The following MYO7A variants were observed in gnomAD, a reference collection of about 807,000 sequenced individuals.
The protein encoded by MYO7A is unconventional myosin-VIIa.
Under a neutral mutation model 263.8 loss-of-function variants are expected in MYO7A, and 210 were observed. The observed-to-expected ratio is 0.80, with a 90% CI of 0.71 to 0.89. The LOEUF is 0.89. Ranked by LOEUF, MYO7A falls within the 40% of genes least tolerant of loss-of-function variation. The probability of loss-of-function intolerance (pLI) is 0.00; values close to 1 mark genes in which losing one functional copy is unlikely to be tolerated. For synonymous variants in MYO7A, 1,239 were observed against 1,197.3 expected, an observed-to-expected ratio of 1.03 and a Z score of -0.72; for missense variants, 2,820 against 2,968.3, an observed-to-expected ratio of 0.95 and a Z score of 1.16.
chr11:77,149,896 C>T (rs1951846420), intron 4 of MYO7A, among the ~76,000 whole-genome samples: 2 of 152,092 alleles, frequency 1.3e-5, no homozygotes, highest in African/African-American at 4.8e-5. Flanking sequence ...GAACTCGAGC[C>T]CAGGGCACCC....
chr11:77,184,849 G>C, intron 27 of MYO7A, 134 bp downstream of exon 27: 2 of 1,397,852 alleles, frequency 1.4e-6, no homozygotes, highest in South Asian at 2.5e-5. Flanking sequence ...GGTGGAGTTA[G>C]GACCTTGGTG....
chr11:77,212,335 T>C (rs984450034), intron 46 of MYO7A: 9 of 375,632 alleles, frequency 2.4e-5, no homozygotes, highest in East Asian at 7.2e-5. Flanking sequence ...GGGTCCCACA[T>C]AGACAAAGGC....
chr11:77,206,013 G>A, intron 40 of MYO7A, 84 bp from the exon 41 acceptor site: 1 of 1,053,806 alleles, frequency 9.5e-7, no homozygotes, highest in East Asian at 2.6e-5. Flanking sequence ...ATCAGAACTG[G>A]GGTTGTCTGC....
Position 77,147,827 on chromosome 11 carries a change from G to C in MYO7A, c.162G>C (p.Thr54=), listed in dbSNP as rs782185833. 1.1e-5 allele frequency: 17 copies of C among 1,610,292 alleles called. No homozygotes were observed. The highest frequency in any genetic ancestry group is 1.0e-4 in the Admixed American group (6 of 59,690). Residue 54 remains threonine, a synonymous_variant, in exon 4 of 49, where the codon ACG becomes ACC. Transcript: ENST00000409709. ...ACTGGATCTCTCCGCAGAACGCAACGCACATCAAGCCTATGCACCCCACGT... is the reference window on the plus strand; with the variant it reads ...ACTGGATCTCTCCGCAGAACGCAACCCACATCAAGCCTATGCACCCCACGT... ...NEHWISPQNA[T]HIKPMHPTSV... is the part of the protein sequence containing the mutation.
chr11:77,175,338 G>A lies in MYO7A; in HGVS notation c.2095-34G>A, dbSNP rs782214597. On this transcript the variant is annotated intron_variant, in intron 17 of 48. Coordinates refer to ENST00000409709, the MANE Select transcript of MYO7A (RefSeq NM_000260.4). Reference sequence around the variant, plus strand: ...CGGAGGCCTTCCCACTGGAGAGGCTGTCCATTCCCTTGTGTTCCCCATCCT... The same window carrying A: ...CGGAGGCCTTCCCACTGGAGAGGCTATCCATTCCCTTGTGTTCCCCATCCT... The A allele has an allele frequency of 5.0e-6, 8 of 1,601,850 alleles. No individual in the cohort carries two copies. The East Asian group carries it at 1.8e-4, about 36-fold the overall frequency.
intron 4 of MYO7A, among the ~76,000 whole-genome samples, chr11:77,152,980 G>A (rs1034415864): frequency 4.6e-5 from 7 of 152,172 alleles, no homozygotes; most frequent in African/African-American, 9.7e-5. Flanking sequence ...TGAGGTTGAC[G>A]AGGGTGGCAG....
Position 77,162,117 on chromosome 11 carries a change from C to T in MYO7A, c.1344-3C>T. On this transcript the variant is annotated splice_polypyrimidine_tract_variant and splice_region_variant and intron_variant, in intron 12 of 48. Transcript: ENST00000409709. Reference sequence around the variant, plus strand: ...CCCTTACCCCATCCCTGTGCCCCTGCAGCTTTGAGCAGCTCTGCATCAACT... The same window carrying T: ...CCCTTACCCCATCCCTGTGCCCCTGTAGCTTTGAGCAGCTCTGCATCAACT... 1.3e-6 allele frequency: 2 copies of T among 1,594,578 alleles called. No homozygotes were observed. The highest frequency in any genetic ancestry group is 8.5e-7 in the Non-Finnish European group (1 of 1,170,448).
At chr11:77,197,998 A>G (rs2135664270) in intron 33 of MYO7A, among the ~76,000 whole-genome samples, 1 of 152,376 alleles carries the variant, frequency 6.6e-6, no homozygotes, top group African/African-American at 2.4e-5. Context: ...CATACTATGT[A>G]TACAACAGGG....
intron 4 of MYO7A, among the ~76,000 whole-genome samples, chr11:77,155,403 C>T (rs111744365): frequency 6.4e-4 from 97 of 152,204 alleles, no homozygotes; most frequent in Non-Finnish European, 1.2e-3. Flanking sequence ...AGCCCCCAAG[C>T]CACTTACCCC....
chr11:77,150,653 T>A (rs373054143), intron 4 of MYO7A, among the ~76,000 whole-genome samples: 8 of 152,086 alleles, frequency 5.3e-5, no homozygotes, highest in African/African-American at 1.9e-4. Flanking sequence ...GGGGTCCAGG[T>A]AGGTGAATAA....
chr11:77,197,364 T>C (rs1003055283), intron 32 of MYO7A, 117 bp from the exon 33 acceptor site: 16 of 721,230 alleles, frequency 2.2e-5, no homozygotes, highest in African/African-American at 5.3e-5. Flanking sequence ...AAGGCCACGA[T>C]GCACAGGAGG....
intron 15 of MYO7A, among the ~76,000 whole-genome samples, chr11:77,169,959 C>T (rs1953926264): frequency 6.6e-6 from 1 of 152,112 alleles, no homozygotes; most frequent in Admixed American, 6.5e-5. Flanking sequence ...ACCTGTAGTC[C>T]CAGCTATTCA....
Position 77,213,952 on chromosome 11 carries a change from G to T in MYO7A, c.6531G>T (p.Gly2177=). The change falls in exon 48 of 49, where the codon GGG becomes GGT. Residue 2177 remains glycine, a synonymous_variant. Coordinates refer to ENST00000409709, the MANE Select transcript of MYO7A (RefSeq NM_000260.4). ...FHITIGNLVR[G]SKLLCETSLG... ...TCACCATTGGGAACTTGGTGCGCGGGAGCAAACTGCTCTGCGAGACGTCAC... is the reference window on the plus strand; with the variant it reads ...TCACCATTGGGAACTTGGTGCGCGGTAGCAAACTGCTCTGCGAGACGTCAC... The T allele has an allele frequency of 3.7e-6, 6 of 1,614,068 alleles. No homozygotes were observed. Among genetic ancestry groups the T allele is most frequent in the Non-Finnish European group, 5.1e-6 (6 of 1,179,908 alleles).
chr11:77,173,510 G>T (rs575561867), intron 16 of MYO7A, among the ~76,000 whole-genome samples: 9 of 152,320 alleles, frequency 5.9e-5, no homozygotes, highest in African/African-American at 2.2e-4. Context: ...GACTGTGCTG[G>T]TCCCAGGTTA....
chr11:77,128,437 G>A lies in MYO7A; in HGVS notation c.-99G>A, dbSNP rs1300697071. 1.3e-5 allele frequency: 2 copies of A among 152,400 alleles called. No homozygotes were observed. The highest frequency in any genetic ancestry group is 4.8e-5 in the African/African-American group (2 of 41,456). 9.4% of individuals were successfully genotyped at this position (152,400 alleles called of 1,614,324 possible). A position where few individuals can be genotyped will look rare whatever the true frequency, so the allele number is the denominator to read the frequency against. ...CCAGCTTCCTGAGTCCTCCGTGCAG[G>A]TGGCAGCTGTACCAGGCTGGCAGGT... On this transcript the variant is annotated 5_prime_UTR_variant, in exon 1 of 49. In the 5' UTR this introduces an upstream ATG that the reference lacks. Coordinates refer to ENST00000409709, the MANE Select transcript of MYO7A (RefSeq NM_000260.4).
intron 34 of MYO7A, 104 bp downstream of exon 34, chr11:77,198,725 G>A: frequency 6.6e-7 from 1 of 1,523,072 alleles, no homozygotes; most frequent in Non-Finnish European, 8.9e-7. Context: ...TGGCCTGCCT[G>A]GTTGCACGTG....
At chr11:77,205,417 C>G in intron 39 of MYO7A, 45 bp from the exon 40 acceptor site, 2 of 1,539,880 alleles carry the variant, frequency 1.3e-6, no homozygotes, top group South Asian at 2.4e-5. Context: ...TCCTGTGACT[C>G]CCGATGGCAG....
At position 77,161,017 on chromosome 11, in the gene MYO7A, C is replaced by G; in HGVS notation, c.1245C>G (p.Asn415Lys). The G allele has an allele frequency of 6.2e-7, 1 of 1,613,042 alleles. No homozygotes were observed. The highest frequency in any genetic ancestry group is 8.5e-7 in the Non-Finnish European group (1 of 1,179,604). ...RLFVWIVDKI[N>K]AAIYKPPSQD... Reference sequence around the variant, plus strand: ...TCGTGTGGATTGTGGACAAGATCAACGCAGCAATTTACAAGCCTCCCTCCC... The same window carrying G: ...TCGTGTGGATTGTGGACAAGATCAAGGCAGCAATTTACAAGCCTCCCTCCC... The change falls in exon 12 of 49, where the codon AAC becomes AAG. Residue 415 changes from asparagine (N) to lysine (K), a missense_variant. Transcript: ENST00000409709.
chr11:77,163,993 G>T (rs1555070904), intron 14 of MYO7A, among the ~76,000 whole-genome samples: 1 of 152,108 alleles, frequency 6.6e-6, no homozygotes, highest in African/African-American at 2.4e-5. Context: ...GGGGGGGCTT[G>T]ACTGTCCTTA....
Sources: allele counts gnomAD v4.1 joint callset (sites outside exome capture counted in the v4.1 genomes callset), GRCh38; gene constraint gnomAD v4.1.1; transcripts MANE v1.5; gene names NCBI Gene and HGNC (gene_info 2026-07-23, HGNC 2026-07-21).